The following NECAB2 variants were observed in gnomAD, a reference collection of about 807,000 sequenced individuals.
NECAB2 encodes the protein N-terminal EF-hand calcium binding protein 2, also known as N-terminal EF-hand calcium-binding protein 2.
Under a neutral mutation model 51.9 loss-of-function variants are expected in NECAB2, and 68 were observed. The observed-to-expected ratio is 1.31, with a 90% confidence interval of 1.08 to 1.60. The LOEUF is 1.60. Among genes scored for constraint, NECAB2 ranks in the 40% most tolerant of loss-of-function variants. The pLI is 0.00. For synonymous variants in NECAB2, 329 were observed against 203.5 expected (o/e 1.62, Z -5.25); for missense variants, 854 against 490.3 (o/e 1.74, Z -7.00).
chr16:83,994,762 G>C (rs1257368793), intron 8 of NECAB2, 74 bp downstream of exon 8: 12 of 1,540,824 alleles, frequency 7.8e-6, no homozygotes, highest in Non-Finnish European at 8.9e-6. Context: ...CTGGAGTTCA[G>C]GACAAAAGTC....
intron 6 of NECAB2, among the ~76,000 whole-genome samples, chr16:83,991,711 C>G (rs2084628096): frequency 3.3e-5 from 5 of 151,918 alleles, no homozygotes; most frequent in Admixed American, 3.3e-4. Context: ...TACAGTGGCA[C>G]CATTGTGGCT....
chr16:83,990,532 C>A lies in NECAB2; in HGVS notation c.498C>A (p.Thr166=), dbSNP rs201480051. Residue 166 remains threonine, a synonymous_variant, in exon 6 of 13, where the codon ACC becomes ACA. Transcript: ENST00000305202. The part of the protein sequence containing the change: ...EGGSNVDQFV[T]RFLLKETANQ... ...GGAGCAACGTGGACCAGTTTGTGAC[C>A]CGCTTCCTCCTGAAGGAGACGGCCA... 14 of 1,614,034 alleles carry A rather than the reference C, an allele frequency of 8.7e-6. No individual in the cohort carries two copies. The highest frequency in any genetic ancestry group is 1.2e-5 in the Non-Finnish European group (14 of 1,180,050).
In NECAB2 at chr16:83,968,721, C is replaced by A; in HGVS notation, c.73C>A (p.Arg25=). 2.0e-6 allele frequency: 2 copies of A among 1,021,686 alleles called. No individual in the cohort carries two copies. Among genetic ancestry groups the A allele is most frequent in the African/African-American group, 1.8e-5 (1 of 56,864 alleles). The allele number at this position is 1,021,686 out of a possible 1,614,324, so 63.3% of individuals were successfully genotyped here. A position where few individuals can be genotyped will look rare whatever the true frequency, so the allele number is the denominator to read the frequency against. The part of the protein sequence containing the change: ...RLLREPPQQG[R]ALGGLLRWVG... ...GCTCCGGGAGCCGCCGCAGCAGGGC[C>A]GGGCGCTGGGCGGGCTGCTGCGCTG... Residue 25 remains arginine (R), a synonymous_variant, in exon 1 of 13, where the codon CGG becomes AGG. Coordinates refer to ENST00000305202, the MANE Select transcript of NECAB2 (RefSeq NM_019065.3).
At chr16:83,972,826 G>T (rs1328744238) in intron 2 of NECAB2, among the ~76,000 whole-genome samples, 4 of 151,492 alleles carry the variant, frequency 2.6e-5, no homozygotes, top group Admixed American at 6.6e-5. Context: ...TTCACTTGCA[G>T]AAGGAGCCCA....
intron 2 of NECAB2, among the ~76,000 whole-genome samples, chr16:83,974,320 G>A (rs2084381321): frequency 6.6e-6 from 1 of 152,152 alleles, no homozygotes; most frequent in Non-Finnish European, 1.5e-5. Flanking sequence ...ATCTGTAAAT[G>A]GGAATAATTA....
At chr16:83,973,350 C>T (rs1366200733) in intron 2 of NECAB2, among the ~76,000 whole-genome samples, 1 of 152,106 alleles carries the variant, frequency 6.6e-6, no homozygotes. Flanking sequence ...AGTTGGAGGC[C>T]TTGGGCATGG....
At chr16:83,965,949 G>C, upstream of NECAB2, 1 of 1,610,794 alleles carries the variant, frequency 6.2e-7, no homozygotes. Flanking sequence ...TTTGTGCAGG[G>C]GGGCGCCTTG....
rs770028876 is a variant in NECAB2, at chr16:84,000,690, C to T, written c.963-34C>T. On this transcript the variant is annotated intron_variant, in intron 10 of 12. Transcript: ENST00000305202. ...GCACTGAGGTGGCCTTGGTTGAGCT[C>T]CAGCCTCCTCCCCCCGACCATCTCC... The T allele has an allele frequency of 2.5e-6, 4 of 1,608,000 alleles. No homozygotes were observed. The South Asian group carries it at 3.3e-5, about 13-fold the overall frequency.
intron 8 of NECAB2, among the ~76,000 whole-genome samples, chr16:83,996,232 A>C (rs1414796064): frequency 6.6e-6 from 1 of 152,118 alleles, no homozygotes; most frequent in Non-Finnish European, 1.5e-5. Context: ...AGGACCCCTC[A>C]CGTATGCTTG....
At chr16:83,993,877 G>C (rs1435118300) in intron 6 of NECAB2, among the ~76,000 whole-genome samples, 1 of 152,140 alleles carries the variant, frequency 6.6e-6, no homozygotes, top group Non-Finnish European at 1.5e-5. Flanking sequence ...CTTGAAACCA[G>C]GTCCCCCACC....
chr16:83,966,037 C>A, upstream of NECAB2: 1 of 1,463,228 alleles, frequency 6.8e-7, no homozygotes, highest in Non-Finnish European at 9.1e-7. Context: ...GCTCCCAGGC[C>A]CTGAGAGGAC....
In NECAB2 at chr16:83,997,256, A is replaced by C; in HGVS notation, c.836A>C (p.Asp279Ala). Residue 279 changes from aspartate to alanine, a missense_variant, in exon 9 of 13, where the codon GAT becomes GCT. Transcript: ENST00000305202. ...FDLQQRLSDE[D>A]GTNMHLQLVR... ...CTGCAGCAGCGCCTGTCAGATGAAGATGGCACCAACATGGTGAGGCCCCTT... is the reference window on the plus strand; with the variant it reads ...CTGCAGCAGCGCCTGTCAGATGAAGCTGGCACCAACATGGTGAGGCCCCTT... The C allele has an allele frequency of 4.3e-6, 7 of 1,614,102 alleles. No individual in the cohort carries two copies. Among genetic ancestry groups the C allele is most frequent in the Non-Finnish European group, 5.9e-6 (7 of 1,180,010 alleles).
intron 5 of NECAB2, among the ~76,000 whole-genome samples, chr16:83,987,029 A>G (rs75558353): frequency 0.051 from 7,774 of 152,270 alleles, 235 homozygotes; most frequent in Middle Eastern, 0.13. Context: ...TGAATCTGAA[A>G]TAAAAATAAT....
chr16:84,000,460 G>C (rs1053479741), intron 10 of NECAB2, among the ~76,000 whole-genome samples: 1 of 152,192 alleles, frequency 6.6e-6, no homozygotes, highest in Non-Finnish European at 1.5e-5. Flanking sequence ...TCCAGCCTGG[G>C]CAACAGAGTG....
intron 6 of NECAB2, among the ~76,000 whole-genome samples, chr16:83,992,377 T>TCCCCTCCCCCCC (rs1555548085): frequency 7.5e-6 from 1 of 133,046 alleles, no homozygotes; most frequent in African/African-American, 3.2e-5. Flanking sequence ...CGAGCACCCG[T>TCCCCTCCCCCCC]CCCCCCGCCC....
At chr16:83,965,242 C>T (rs201121399), upstream of NECAB2, 117 of 1,612,058 alleles carry the variant, frequency 7.3e-5, no homozygotes, top group East Asian at 1.0e-3. Flanking sequence ...TCCAGGTGAG[C>T]GGCTTCCTGA....
chr16:83,965,324 A>G (rs2084264087), upstream of NECAB2: 3 of 1,578,014 alleles, frequency 1.9e-6, no homozygotes. Context: ...CACGTTCGAC[A>G]GCCCGGCCCG....
At chr16:83,993,830 T>C (rs2084657563) in intron 6 of NECAB2, among the ~76,000 whole-genome samples, 1 of 152,160 alleles carries the variant, frequency 6.6e-6, no homozygotes, top group African/African-American at 2.4e-5. Context: ...AGTGTCTCTT[T>C]AGGTCTCGCT....
At chr16:83,999,292 C>T (rs368259633) in intron 10 of NECAB2, among the ~76,000 whole-genome samples, 3 of 152,118 alleles carry the variant, frequency 2.0e-5, no homozygotes, top group Non-Finnish European at 4.4e-5. Context: ...CCACTCCACT[C>T]CAGGAGGACA....
Sources: gnomAD v4.1 joint callset for allele counts (sites outside exome capture counted in the v4.1 genomes callset) on GRCh38, gnomAD v4.1.1 for gene constraint, MANE v1.5 for transcripts, NCBI Gene and HGNC (gene_info 2026-07-23, HGNC 2026-07-21) for gene names.